CALD1: variants seen among roughly 807,000 people sequenced by gnomAD.
CALD1 encodes the protein caldesmon.
In CALD1, 33 loss-of-function variants were observed where a neutral mutation model predicts 99.9. The ratio of observed to expected loss-of-function variants is 0.33; its 90% CI spans 0.25 to 0.44. The LOEUF (loss-of-function observed/expected upper bound fraction) is 0.44, where lower values mean the gene tolerates loss of function less well. CALD1 is among the 20% of genes least tolerant of loss of function. The probability of loss-of-function intolerance (pLI) is 1.00; values close to 1 mark genes in which losing one functional copy is unlikely to be tolerated. For synonymous variants in CALD1, 310 were observed against 325.0 expected, an observed-to-expected ratio of 0.95 and a Z score of 0.50; for missense variants, 861 against 962.1, an observed-to-expected ratio of 0.89 and a Z score of 1.39.
At chr7:134,748,439 C>A (rs985841033) in intron 1 of CALD1, among the ~76,000 whole-genome samples, 1 of 152,220 alleles carries the variant, frequency 6.6e-6, no homozygotes, top group Non-Finnish European at 1.5e-5. Context: ...GCTGGGCGCA[C>A]TGGCTCACGC....
chr7:134,896,435 T>C (rs2132554120), intron 3 of CALD1, among the ~76,000 whole-genome samples: 2 of 152,338 alleles, frequency 1.3e-5, no homozygotes, highest in East Asian at 3.9e-4. Flanking sequence ...CTGCTGTTTA[T>C]AGATTAAAAA....
At chr7:134,864,242 G>C (rs1191286616) in intron 2 of CALD1, among the ~76,000 whole-genome samples, 1 of 151,756 alleles carries the variant, frequency 6.6e-6, no homozygotes, top group Non-Finnish European at 1.5e-5. Context: ...AGGTACTCAG[G>C]AGGCTGAAGC....
intron 3 of CALD1, among the ~76,000 whole-genome samples, chr7:134,872,190 G>A (rs919462772): frequency 6.6e-6 from 1 of 151,852 alleles, no homozygotes; most frequent in Non-Finnish European, 1.5e-5. Flanking sequence ...AACCCCGTCT[G>A]TACTAAAAAT....
intron 1 of CALD1, among the ~76,000 whole-genome samples, chr7:134,836,290 A>G (rs1799437636): frequency 6.6e-6 from 1 of 152,166 alleles, no homozygotes. Flanking sequence ...TTTATTTAGG[A>G]AGCCATACAC....
intron 3 of CALD1, among the ~76,000 whole-genome samples, chr7:134,901,025 G>T (rs1802955658): frequency 6.6e-6 from 1 of 152,088 alleles, no homozygotes; most frequent in African/African-American, 2.4e-5. Context: ...ATAAGAATTT[G>T]TACCACTATA....
At chr7:134,928,095 G>A (rs566995873) in intron 3 of CALD1, 2 of 322,688 alleles carry the variant, frequency 6.2e-6, no homozygotes, top group Non-Finnish European at 1.3e-5. Flanking sequence ...TTTGAAGTAA[G>A]CATTTTGTTT....
rs1167844091 is a variant in CALD1 at position 134,970,692 on chromosome 7, T to G, written c.*2347T>G. On this transcript the variant is annotated 3_prime_UTR_variant, in exon 15 of 15. Coordinates refer to ENST00000361675, the MANE Select transcript of CALD1 (RefSeq NM_033138.4). ...TACAATATTGATAGTGAGAGGTATG[T>G]CTATTATAATAAAGATTATGGCACA... is the stretch of plus-strand genomic sequence containing the variant. The G allele has an allele frequency of 6.6e-6, 1 of 152,458 alleles. No individual in the cohort carries two copies. Among genetic ancestry groups the G allele is most frequent in the Admixed American group, 6.5e-5 (1 of 15,276 alleles). 9.4% of individuals were successfully genotyped at this position (152,458 alleles called of 1,614,324 possible).
intron 1 of CALD1, among the ~76,000 whole-genome samples, chr7:134,767,497 G>C (rs561062184): frequency 6.6e-6 from 1 of 152,102 alleles, no homozygotes; most frequent in Non-Finnish European, 1.5e-5. Context: ...TCTTATTTGC[G>C]CCCCTCACAA....
intron 12 of CALD1, 175 bp from the exon 13 acceptor site, chr7:134,960,358 G>C: frequency 6.2e-6 from 4 of 646,730 alleles, no homozygotes; most frequent in Non-Finnish European, 8.1e-6. Flanking sequence ...TGGAGTTGGA[G>C]TGGGGTGAGT....
the CALD1 span, among the ~76,000 whole-genome samples, chr7:134,730,679 A>T: frequency 6.6e-6 from 1 of 152,250 alleles, no homozygotes; most frequent in Non-Finnish European, 1.5e-5. Context: ...ATAAAAAAAT[A>T]AATAAAACAT....
chr7:134,937,989 C>T (rs780025181), intron 6 of CALD1, among the ~76,000 whole-genome samples: 2 of 152,176 alleles, frequency 1.3e-5, no homozygotes, highest in Non-Finnish European at 2.9e-5. Flanking sequence ...AGCCGAGCTG[C>T]TCCTGAGGTA....
chr7:134,752,388 A>G (rs1228826804), intron 1 of CALD1, among the ~76,000 whole-genome samples: 1 of 152,264 alleles, frequency 6.6e-6, no homozygotes, highest in Non-Finnish European at 1.5e-5. Context: ...TCTCAAAGGA[A>G]TAAGTTATGA....
chr7:134,940,300 TGAAA>T (rs1056601925), intron 6 of CALD1, among the ~76,000 whole-genome samples: 53 of 152,358 alleles, frequency 3.5e-4, no homozygotes, highest in African/African-American at 1.1e-3. Flanking sequence ...TCTCACTTAC[TGAAA>T]GAAACACAAA....
Position 134,747,405 on chromosome 7 carries a change from G to T in CALD1, c.-130+3042G>T, listed in dbSNP as rs973244015. ...TGTTTCGCCAACCCTAGAGGGAGTT[G>T]TTCAAAGTTCCAGAAAACAGCAGTA... On this transcript the variant is annotated intron_variant, in intron 1 of 13. Coordinates refer to the CALD1 transcript ENST00000417172. Among the ~76,000 whole-genome samples the T allele has an allele frequency of 1.9e-4, 29 of 152,350 alleles. No homozygotes were observed. In the Middle Eastern group the frequency reaches 0.01, roughly 54 times the overall value.
intron 6 of CALD1, among the ~76,000 whole-genome samples, chr7:134,939,253 T>C (rs972456607): frequency 2.6e-4 from 40 of 152,230 alleles, no homozygotes; most frequent in Non-Finnish European, 3.5e-4. Flanking sequence ...TGCTCCTTTT[T>C]TCTGTAGCCT....
intron 1 of CALD1, among the ~76,000 whole-genome samples, chr7:134,801,773 T>C (rs1468237310): frequency 1.5e-5 from 2 of 137,450 alleles, no homozygotes; most frequent in African/African-American, 2.8e-5. Flanking sequence ...CACTCACCAC[T>C]ACGCCTGCTA....
At chr7:134,818,142 A>G (rs1798628865) in intron 1 of CALD1, among the ~76,000 whole-genome samples, 1 of 152,158 alleles carries the variant, frequency 6.6e-6, no homozygotes, top group South Asian at 2.1e-4. Flanking sequence ...TACTGTTGTC[A>G]ATTTAAAGAC....
intron 1 of CALD1, among the ~76,000 whole-genome samples, chr7:134,770,649 T>C (rs1796869573): frequency 1.3e-5 from 2 of 152,184 alleles, no homozygotes; most frequent in African/African-American, 4.8e-5. Context: ...GACAATCCAG[T>C]ATGACTTCAT....
At chr7:134,771,626 T>A (rs1423757107) in intron 1 of CALD1, among the ~76,000 whole-genome samples, 1 of 152,108 alleles carries the variant, frequency 6.6e-6, no homozygotes. Flanking sequence ...CACAGTGCTT[T>A]TTTTTTTCCT....
Sources: allele counts gnomAD v4.1 joint callset (sites outside exome capture counted in the v4.1 genomes callset), GRCh38; gene constraint gnomAD v4.1.1; transcripts MANE v1.5; gene names NCBI Gene and HGNC (gene_info 2026-07-23, HGNC 2026-07-21).